ARHGAP15: variants seen among roughly 807,000 people sequenced by gnomAD.
The protein encoded by ARHGAP15 is Rho GTPase activating protein 15.
In ARHGAP15, 51 loss-of-function variants were observed where a neutral mutation model predicts 63.7. That is an observed-to-expected ratio of 0.80 (90% CI 0.64 to 1.01). The LOEUF (loss-of-function observed/expected upper bound fraction) is 1.01. Ranked by LOEUF, ARHGAP15 falls within the 50% of genes least tolerant of loss-of-function variation. The pLI is 0.00. For missense variants in ARHGAP15, 560 were observed against 564.6 expected (o/e 0.99, Z 0.08); for synonymous variants, 191 against 193.8 (o/e 0.99, Z 0.12).
intron 3 of ARHGAP15, among the ~76,000 whole-genome samples, chr2:143,207,054 A>T (rs1869013): frequency 6.6e-6 from 1 of 151,322 alleles, no homozygotes; most frequent in Non-Finnish European, 1.5e-5. Flanking sequence ...TTATTTAAAA[A>T]ATTAATTTTT....
At chr2:143,215,515 G>A (rs1383659997) in intron 3 of ARHGAP15, among the ~76,000 whole-genome samples, 1 of 152,172 alleles carries the variant, frequency 6.6e-6, no homozygotes. Context: ...ATGGCACTGA[G>A]GGAGTGTGGT....
chr2:143,199,327 G>T (rs778584306), intron 2 of ARHGAP15, among the ~76,000 whole-genome samples: 2 of 152,114 alleles, frequency 1.3e-5, no homozygotes, highest in Admixed American at 6.6e-5. Context: ...ATAGATGATG[G>T]TTCCAAAAAA....
At chr2:143,360,731 G>A (rs1686012088) in intron 6 of ARHGAP15, among the ~76,000 whole-genome samples, 1 of 152,120 alleles carries the variant, frequency 6.6e-6, no homozygotes, top group South Asian at 2.1e-4. Context: ...AAAACAGTCT[G>A]TGACTATGTG....
At chr2:143,435,914 ATTCT>A (rs1387500584) in intron 7 of ARHGAP15, among the ~76,000 whole-genome samples, 2 of 152,010 alleles carry the variant, frequency 1.3e-5, no homozygotes, top group African/African-American at 2.4e-5. Flanking sequence ...AATATAGTGC[ATTCT>A]TTCTTTTTTT....
chr2:143,526,116 TATTA>T (rs2105001747), intron 10 of ARHGAP15, among the ~76,000 whole-genome samples: 1 of 151,530 alleles, frequency 6.6e-6, no homozygotes. Context: ...CGGAGCTGGT[TATTA>T]ATTAATTCAC....
At chr2:143,222,658 AGTTTTT>A (rs567656833) in intron 4 of ARHGAP15, among the ~76,000 whole-genome samples, 6 of 151,290 alleles carry the variant, frequency 4.0e-5, no homozygotes, top group Non-Finnish European at 7.4e-5. Context: ...GGCTTTGTTG[AGTTTTT>A]GTTTTTGTTT....
intron 13 of ARHGAP15, among the ~76,000 whole-genome samples, chr2:143,730,945 T>TCA (rs370584063): frequency 8.7e-6 from 1 of 115,456 alleles, no homozygotes; most frequent in Non-Finnish European, 1.6e-5. Context: ...TTTTTTTTTT[T>TCA]TGATTCAGTG....
intron 5 of ARHGAP15, among the ~76,000 whole-genome samples, chr2:143,248,961 G>A (rs989609394): frequency 2.6e-5 from 4 of 152,110 alleles, no homozygotes; most frequent in South Asian, 2.1e-4. Context: ...GATTATTTTC[G>A]TTGGTTCTGA....
rs556024613 is a variant in ARHGAP15 at position 143,764,865 on chromosome 2, C to CAA, written c.1245-3123_1245-3122dup. Among the ~76,000 whole-genome samples the CAA allele has an allele frequency of 1.2e-4, 18 of 152,244 alleles. No homozygotes were observed. The South Asian group carries it at 3.7e-3, about 32-fold the overall frequency. On this transcript the variant is annotated intron_variant, in intron 13 of 13. Coordinates refer to ENST00000295095, the MANE Select transcript of ARHGAP15 (RefSeq NM_018460.4). ...TTGCCCTTTCAGATTTCCTGGACTCCAAGTCCTAATGTTCTACTACCCTGT... is the reference window on the plus strand; with the variant it reads ...TTGCCCTTTCAGATTTCCTGGACTCCAAAAGTCCTAATGTTCTACTACCCTGT...
At chr2:143,570,823 CTTT>C (rs34825591) in intron 11 of ARHGAP15, among the ~76,000 whole-genome samples, 2 of 151,878 alleles carry the variant, frequency 1.3e-5, no homozygotes, top group African/African-American at 4.8e-5. Flanking sequence ...CAGGTCAATC[CTTT>C]TTTTTAACAG....
intron 9 of ARHGAP15, among the ~76,000 whole-genome samples, chr2:143,489,284 G>A (rs1266349531): frequency 2.6e-5 from 4 of 152,152 alleles, no homozygotes; most frequent in African/African-American, 4.8e-5. Flanking sequence ...CGAAGCAATG[G>A]AACCGCTAAA....
intron 8 of ARHGAP15, among the ~76,000 whole-genome samples, chr2:143,475,248 C>CA (rs1223641224): frequency 6.6e-6 from 1 of 152,222 alleles, no homozygotes; most frequent in Non-Finnish European, 1.5e-5. Flanking sequence ...CTGCCAGCTG[C>CA]AAACTGCAGC....
At chr2:143,311,967 T>C (rs1189544870) in intron 6 of ARHGAP15, among the ~76,000 whole-genome samples, 3 of 152,246 alleles carry the variant, frequency 2.0e-5, no homozygotes, top group South Asian at 2.1e-4. Context: ...TCCTTTTTTT[T>C]CCCTCTTCAC....
intron 1 of ARHGAP15, among the ~76,000 whole-genome samples, chr2:143,143,563 C>CTTT (rs753991992): frequency 3.5e-5 from 4 of 114,376 alleles, no homozygotes; most frequent in Non-Finnish European, 5.5e-5. Flanking sequence ...GAGCTATTTT[C>CTTT]TTTCTTTTTT....
intron 8 of ARHGAP15, among the ~76,000 whole-genome samples, chr2:143,444,959 C>A (rs1025673157): frequency 6.6e-6 from 1 of 151,832 alleles, no homozygotes; most frequent in African/African-American, 2.4e-5. Flanking sequence ...TTAAGTAGTA[C>A]CTGAAATCAG....
At chr2:143,237,545 A>T (rs987460441) in intron 5 of ARHGAP15, 1 of 152,156 alleles carries the variant, frequency 6.6e-6, no homozygotes, top group African/African-American at 2.4e-5. Flanking sequence ...CTCAGTGAGC[A>T]CCCGTTGCAA....
chr2:143,569,352 A>T (rs913701993), intron 11 of ARHGAP15, among the ~76,000 whole-genome samples: 1 of 152,234 alleles, frequency 6.6e-6, no homozygotes. Context: ...TTCAGATGAT[A>T]TCAGAAATTA....
At chr2:143,363,262 C>T (rs1329637480) in intron 6 of ARHGAP15, among the ~76,000 whole-genome samples, 1 of 152,084 alleles carries the variant, frequency 6.6e-6, no homozygotes, top group African/African-American at 2.4e-5. Flanking sequence ...AACTCTTGCC[C>T]AGGTGGGGTG....
chr2:143,701,059 C>G (rs1239389886), intron 12 of ARHGAP15, among the ~76,000 whole-genome samples: 3 of 151,978 alleles, frequency 2.0e-5, no homozygotes, highest in African/African-American at 7.3e-5. Flanking sequence ...TATGTTGGAA[C>G]TCTTCTAAGA....
Sources: allele counts gnomAD v4.1 joint callset (sites outside exome capture counted in the v4.1 genomes callset), GRCh38; gene constraint gnomAD v4.1.1; transcripts MANE v1.5; gene names NCBI Gene and HGNC (gene_info 2026-07-23, HGNC 2026-07-21).